Variants in HTD2 observed in about 807,000 individuals in gnomAD.
The protein encoded by HTD2 is hydroxyacyl-thioester dehydratase type 2.
In HTD2, 1 loss-of-function variant was observed where a neutral mutation model predicts 3.1. The ratio of observed to expected loss-of-function variants is 0.32; its 90% confidence interval spans 0.11 to 1.52. The LOEUF is 1.52. Among genes scored for constraint, HTD2 ranks in the 40% most tolerant of loss-of-function variants. The probability of loss-of-function intolerance (pLI) is 0.39; values close to 1 mark genes in which losing one functional copy is unlikely to be tolerated. For missense variants in HTD2, 150 were observed against 79.6 expected (o/e 1.88, Z -3.36); for synonymous variants, 50 against 28.9 (o/e 1.73, Z -2.34).
intron 1 of HTD2, chr3:58,307,876 T>C (rs994378917): frequency 6.6e-6 from 1 of 152,046 alleles, no homozygotes; most frequent in African/African-American, 2.4e-5. Flanking sequence ...TTTTTTTTTT[T>C]TTTTAATTGC....
intron 1 of HTD2, chr3:58,310,090 C>G (rs1356855354): frequency 1.9e-6 from 1 of 519,372 alleles, no homozygotes; most frequent in African/African-American, 1.9e-5. Flanking sequence ...CTCCCAGCTA[C>G]TCAGGAGTCT....
At position 58,316,921 on chromosome 3, in the gene HTD2, T is replaced by C. The variant is rs1175532921; in HGVS notation, c.-247T>C. 2.5e-6 allele frequency: 4 copies of C among 1,613,382 alleles called. No homozygotes were observed. The highest frequency in any genetic ancestry group is 3.4e-6 in the Non-Finnish European group (4 of 1,179,504). On this transcript the variant is annotated 5_prime_UTR_variant, in exon 4 of 5. Transcript: ENST00000461393. ...TTTCTTGATCTTTCTGCAGTGGTCT[T>C]GTCAAATTGTGGAGCTCTTTGACCC...
At position 58,310,548 on chromosome 3, in the gene HTD2, T is replaced by G. The variant is rs771958530; in HGVS notation, c.-374T>G. On this transcript the variant is annotated 5_prime_UTR_variant, in exon 2 of 5. Coordinates refer to ENST00000461393, the MANE Select transcript of HTD2 (RefSeq NM_001348712.2). ...GGAGTTGGACTGAATGCTGCACAGT[T>G]CAAACAGCTGCTTATTTCGGCTGTG... The G allele has an allele frequency of 9.9e-6, 16 of 1,613,366 alleles. No homozygotes were observed. The highest frequency in any genetic ancestry group is 1.4e-5 in the Non-Finnish European group (16 of 1,179,766).
intron 2 of HTD2, among the ~76,000 whole-genome samples, chr3:58,315,056 C>T (rs567868312): frequency 2.0e-5 from 3 of 152,056 alleles, no homozygotes; most frequent in Non-Finnish European, 4.4e-5. Context: ...GCATCTGTTC[C>T]AGAGGACTGA....
intron 1 of HTD2, among the ~76,000 whole-genome samples, chr3:58,309,271 T>G (rs2097479351): frequency 6.6e-6 from 1 of 152,236 alleles, no homozygotes; most frequent in Non-Finnish European, 1.5e-5. Context: ...TAACTGGTCT[T>G]GAGTGGGCTC....
chr3:58,315,381 G>A (rs1191198158), intron 2 of HTD2, among the ~76,000 whole-genome samples: 1 of 152,096 alleles, frequency 6.6e-6, no homozygotes, highest in Non-Finnish European at 1.5e-5. Context: ...GTGAGGAGTA[G>A]GGGAGGAGGG....
intron 1 of HTD2, among the ~76,000 whole-genome samples, chr3:58,308,246 A>G (rs1258147394): frequency 6.6e-6 from 1 of 151,956 alleles, no homozygotes. Context: ...CTTTTCTCTC[A>G]TTTGAATACC....
chr3:58,307,448 G>A (rs2097476679), intron 1 of HTD2, among the ~76,000 whole-genome samples: 1 of 152,232 alleles, frequency 6.6e-6, no homozygotes, highest in Admixed American at 6.5e-5. Flanking sequence ...TCTAGGCCGG[G>A]CGCGGTGGCT....
chr3:58,308,000 C>T (rs992510137), intron 1 of HTD2: 6 of 151,990 alleles, frequency 3.9e-5, no homozygotes, highest in Admixed American at 2.6e-4. Flanking sequence ...GTTTTACTGG[C>T]ATCTAAGCCC....
At position 58,317,899 on chromosome 3, in the gene HTD2, C is replaced by A; in HGVS notation, c.286C>A (p.Leu96Ile). The A allele has an allele frequency of 1.4e-6, 1 of 702,926 alleles. No individual in the cohort carries two copies. The highest frequency in any genetic ancestry group is 2.6e-6 in the Non-Finnish European group (1 of 384,946). 43.5% of individuals were successfully genotyped at this position (702,926 alleles called of 1,614,324 possible). A position where few individuals can be genotyped will look rare whatever the true frequency, so the allele number is the denominator to read the frequency against. ...VLINGLISAL[L>I]GTKMPGPGCV... ...GATCAACGGACTTATCTCAGCTCTC[C>A]TAGGAACTAAAATGCCAGGGCCAGG... The change falls in exon 5 of 5, where the codon CTA (leucine) becomes ATA (isoleucine). Residue 96 changes from leucine (L) to isoleucine (I), a missense_variant. Physicochemically the swap from Leu to Ile is conservative, Grantham distance 5 (BLOSUM62 2). Coordinates refer to ENST00000461393, the MANE Select transcript of HTD2 (RefSeq NM_001348712.2).
intron 1 of HTD2, 85 bp from the exon 2 acceptor site, chr3:58,310,422 T>G (rs1423058980): frequency 6.2e-7 from 1 of 1,612,892 alleles, no homozygotes; most frequent in Admixed American, 1.7e-5. Context: ...TTTAGTTTCC[T>G]AAGTTCTATT....
intron 2 of HTD2, among the ~76,000 whole-genome samples, chr3:58,313,020 T>G (rs2097484061): frequency 6.7e-6 from 1 of 149,774 alleles, no homozygotes; most frequent in South Asian, 2.1e-4. Context: ...TCCTAGCACT[T>G]TGGGAGGCCA....
chr3:58,310,154 C>T, intron 1 of HTD2: 1 of 602,958 alleles, frequency 1.7e-6, no homozygotes, highest in Admixed American at 2.9e-5. Flanking sequence ...CTGCAGTGAA[C>T]TCTGATTGTA....
rs2097480447 is a variant in HTD2, at chr3:58,310,089, A to C, written c.-415-418A>C. 3 of 518,030 alleles carry C rather than the reference A, an allele frequency of 5.8e-6. No individual in the cohort carries two copies. In the East Asian group the frequency reaches 9.7e-5, roughly 17 times the overall value. 32.1% of individuals were successfully genotyped at this position (518,030 alleles called of 1,614,324 possible). On this transcript the variant is annotated intron_variant, in intron 1 of 4. Transcript: ENST00000461393. ...GTGGCACGTGCCTATACTCCCAGCT[A>C]CTCAGGAGTCTGAGGCAGGAGGATC...
At chr3:58,310,645 G>GA in intron 2 of HTD2, 54 bp downstream of exon 2, 1 of 1,502,234 alleles carries the variant, frequency 6.7e-7, no homozygotes, top group Non-Finnish European at 9.1e-7. Context: ...AAGAAATACA[G>GA]AAAGAGGCCG....
In HTD2 at chr3:58,318,672, C is replaced by T. The variant is rs2097491114; in HGVS notation, c.*552C>T. On this transcript the variant is annotated 3_prime_UTR_variant, in exon 5 of 5. Transcript: ENST00000461393. ...CCTGAGTGACAGAGCGAGACCCTGT[C>T]TCAAGAAAGAAGTATTGGGAAGGTT... is the stretch of plus-strand genomic sequence containing the variant. The T allele has an allele frequency of 6.6e-6, 1 of 151,706 alleles. No homozygotes were observed. Among genetic ancestry groups the T allele is most frequent in the Non-Finnish European group, 1.5e-5 (1 of 68,062 alleles). The allele number at this position is 151,706 out of a possible 1,614,324, so 9.4% of individuals were successfully genotyped here. A position where few individuals can be genotyped will look rare whatever the true frequency, so the allele number is the denominator to read the frequency against.
At chr3:58,312,787 G>A (rs561765914) in intron 2 of HTD2, among the ~76,000 whole-genome samples, 2 of 151,838 alleles carry the variant, frequency 1.3e-5, no homozygotes, top group Non-Finnish European at 2.9e-5. Context: ...GTGGTGAAAC[G>A]CTTTCTCTAC....
intron 2 of HTD2, 79 bp from the exon 3 acceptor site, chr3:58,316,436 C>A: frequency 7.5e-7 from 1 of 1,327,840 alleles, no homozygotes; most frequent in Non-Finnish European, 1.1e-6. Flanking sequence ...AAGCTCAAAA[C>A]TCATTTGTTG....
chr3:58,314,140 C>G (rs891421263), intron 2 of HTD2, among the ~76,000 whole-genome samples: 2 of 151,980 alleles, frequency 1.3e-5, no homozygotes, highest in African/African-American at 2.4e-5. Flanking sequence ...TGCCTGAGGT[C>G]AGGAGTTTGA....
Sources: gnomAD v4.1 joint callset for allele counts (sites outside exome capture counted in the v4.1 genomes callset) on GRCh38, gnomAD v4.1.1 for gene constraint, MANE v1.5 for transcripts, NCBI Gene and HGNC (gene_info 2026-07-23, HGNC 2026-07-21) for gene names.